The following PPP4R3B variants were observed in gnomAD, a reference collection of about 807,000 sequenced individuals.
The protein encoded by PPP4R3B is protein phosphatase 4 regulatory subunit 3B, also known as serine/threonine-protein phosphatase 4 regulatory subunit 3B.
PPP4R3B carries 52 observed loss-of-function variants against 95.4 expected under a neutral mutation model. The ratio of observed to expected loss-of-function variants is 0.54; its 90% CI spans 0.44 to 0.69. The LOEUF is 0.69. PPP4R3B is among the 30% of genes least tolerant of loss of function. The pLI is 0.00. For missense variants in PPP4R3B, 1,003 were observed against 1,005.9 expected, an observed-to-expected ratio of 1.00 and a Z score of 0.04; for synonymous variants, 407 against 343.9, an observed-to-expected ratio of 1.18 and a Z score of -2.03.
At chr2:55,592,132 A>C (rs1223459940) in intron 4 of PPP4R3B, among the ~76,000 whole-genome samples, 4 of 152,354 alleles carry the variant, frequency 2.6e-5, no homozygotes, top group Non-Finnish European at 5.9e-5. Context: ...CAAAAGAAAA[A>C]ACAGAACCCA....
chr2:55,554,991 G>A (rs1483517426), intron 16 of PPP4R3B, among the ~76,000 whole-genome samples: 1 of 152,006 alleles, frequency 6.6e-6, no homozygotes, highest in East Asian at 1.9e-4. Flanking sequence ...TATTGAAAAG[G>A]GTATTGTGGC....
At chr2:55,595,956 CAAGT>C (rs1027187425) in intron 4 of PPP4R3B, among the ~76,000 whole-genome samples, 17 of 152,060 alleles carry the variant, frequency 1.1e-4, no homozygotes, top group African/African-American at 4.1e-4. Context: ...GCTACTGTTA[CAAGT>C]AAGACAAGTA....
intron 10 of PPP4R3B, among the ~76,000 whole-genome samples, chr2:55,577,682 T>G (rs1363546661): frequency 6.6e-6 from 1 of 152,168 alleles, no homozygotes. Context: ...CTTCATCTCA[T>G]TTTTGTTTTA....
rs1454587921 is a variant in PPP4R3B, at chr2:55,598,397, A to C, written c.921+19T>G. On this transcript the variant is annotated intron_variant, in intron 4 of 16. Coordinates refer to ENST00000616407, the MANE Select transcript of PPP4R3B (RefSeq NM_001122964.3). ...AAATATCTGAAAAATGGAATCGTGA[A>C]GAGTATCTTTTTACTTACCTGCAAC... 6.2e-7 allele frequency: 1 copy of C among 1,606,404 alleles called. No homozygotes were observed. The highest frequency in any genetic ancestry group is 1.1e-5 in the South Asian group (1 of 89,722).
intron 7 of PPP4R3B, among the ~76,000 whole-genome samples, chr2:55,582,498 C>A (rs546458948): frequency 6.6e-6 from 1 of 152,260 alleles, no homozygotes; most frequent in East Asian, 1.9e-4. Flanking sequence ...TAAAGAAAAT[C>A]AGATGTTCAA....
intron 4 of PPP4R3B, among the ~76,000 whole-genome samples, chr2:55,594,678 C>A (rs1217029146): frequency 6.6e-6 from 1 of 152,152 alleles, no homozygotes; most frequent in African/African-American, 2.4e-5. Context: ...CTCTTTTTAT[C>A]AACTACAGAC....
chr2:55,574,589 T>C (rs1688402681), intron 11 of PPP4R3B, among the ~76,000 whole-genome samples: 1 of 151,874 alleles, frequency 6.6e-6, no homozygotes, highest in African/African-American at 2.4e-5. Context: ...AAATATTACA[T>C]CAAGATTCTT....
At chr2:55,552,855 A>C (rs1685403179) in intron 16 of PPP4R3B, among the ~76,000 whole-genome samples, 1 of 152,242 alleles carries the variant, frequency 6.6e-6, no homozygotes, top group South Asian at 2.1e-4. Context: ...GGCAAGTCAT[A>C]CAACAGGAAG....
At chr2:55,552,044 A>T (rs1685307983) in intron 16 of PPP4R3B, among the ~76,000 whole-genome samples, 1 of 152,240 alleles carries the variant, frequency 6.6e-6, no homozygotes, top group African/African-American at 2.4e-5. Context: ...CCAAATGGTT[A>T]ACACTTAATT....
intron 15 of PPP4R3B, among the ~76,000 whole-genome samples, chr2:55,563,838 G>T (rs1686940874): frequency 6.6e-6 from 1 of 152,094 alleles, no homozygotes; most frequent in Admixed American, 6.5e-5. Context: ...GAAAGCCAGG[G>T]GAAGTTTTAC....
At chr2:55,586,081 A>C (rs1435790915) in intron 6 of PPP4R3B, among the ~76,000 whole-genome samples, 1 of 152,208 alleles carries the variant, frequency 6.6e-6, no homozygotes, top group Non-Finnish European at 1.5e-5. Flanking sequence ...TTTTGTTTTG[A>C]AAAAATTATT....
chr2:55,606,194 T>C (rs1041432741), intron 2 of PPP4R3B, among the ~76,000 whole-genome samples: 2 of 152,094 alleles, frequency 1.3e-5, no homozygotes, highest in African/African-American at 4.8e-5. Context: ...TCGCTTATTA[T>C]ATACAAAAAT....
intron 16 of PPP4R3B, among the ~76,000 whole-genome samples, chr2:55,553,009 A>T (rs1465240321): frequency 6.6e-6 from 1 of 152,190 alleles, no homozygotes; most frequent in East Asian, 1.9e-4. Flanking sequence ...TAAAACAGAC[A>T]ACTGGGTCAT....
In PPP4R3B at chr2:55,580,171, A is replaced by C. The variant is rs971105248; in HGVS notation, c.1366-390T>G. On this transcript the variant is annotated intron_variant, in intron 8 of 16. Coordinates refer to ENST00000616407, the MANE Select transcript of PPP4R3B (RefSeq NM_001122964.3). ...ATGAAACGCAGTGAAGAACCAATCT[A>C]TTGTACAACATATATAATAACAACA... Among the ~76,000 whole-genome samples, 3 of 152,166 alleles carry C rather than the reference A, an allele frequency of 2.0e-5. No homozygotes were observed. In the South Asian group the frequency reaches 6.2e-4, roughly 31 times the overall value.
intron 15 of PPP4R3B, among the ~76,000 whole-genome samples, chr2:55,563,038 C>G (rs748519034): frequency 1.3e-5 from 2 of 152,168 alleles, no homozygotes; most frequent in Non-Finnish European, 2.9e-5. Flanking sequence ...TGATTCTTAA[C>G]AGCATCTCAC....
intron 12 of PPP4R3B, among the ~76,000 whole-genome samples, chr2:55,571,518 A>C (rs1389597410): frequency 6.6e-6 from 1 of 152,192 alleles, no homozygotes. Context: ...ATGTCTAAGA[A>C]CAACCAAGAA....
At chr2:55,616,151 T>C (rs1694897177) in intron 1 of PPP4R3B, among the ~76,000 whole-genome samples, 1 of 152,162 alleles carries the variant, frequency 6.6e-6, no homozygotes, top group African/African-American at 2.4e-5. Flanking sequence ...CTTCAAGCCA[T>C]TCGTTTTAAC....
chr2:55,595,886 A>C (rs1310483643), intron 4 of PPP4R3B, among the ~76,000 whole-genome samples: 1 of 152,340 alleles, frequency 6.6e-6, no homozygotes, highest in Admixed American at 6.5e-5. Flanking sequence ...GTAGCTGCTC[A>C]ATAAACTTAG....
intron 16 of PPP4R3B, among the ~76,000 whole-genome samples, chr2:55,554,658 T>C (rs1291051916): frequency 6.6e-6 from 1 of 152,246 alleles, no homozygotes; most frequent in Non-Finnish European, 1.5e-5. Flanking sequence ...ACTTATCAGA[T>C]ATATCATTTA....
Sources: gnomAD v4.1 joint callset for allele counts (sites outside exome capture counted in the v4.1 genomes callset) on GRCh38, gnomAD v4.1.1 for gene constraint, MANE v1.5 for transcripts, NCBI Gene and HGNC (gene_info 2026-07-23, HGNC 2026-07-21) for gene names.